PITPNA: variants seen among roughly 807,000 people sequenced by gnomAD.
PITPNA encodes phosphatidylinositol transfer protein alpha isoform.
In PITPNA, 13 loss-of-function variants were observed where a neutral mutation model predicts 50.3. The ratio of observed to expected loss-of-function variants is 0.26; its 90% CI spans 0.17 to 0.41. The LOEUF (loss-of-function observed/expected upper bound fraction) is 0.41, where lower values mean the gene tolerates loss of function less well. Among genes scored for constraint, PITPNA ranks in the 10% least tolerant of loss-of-function variants. The pLI is 1.00. For missense variants in PITPNA, 207 were observed against 333.4 expected (o/e 0.62, Z 2.95); for synonymous variants, 120 against 119.6 (o/e 1.00, Z -0.02).
At chr17:1,540,645 G>A (rs959356362) in intron 6 of PITPNA, among the ~76,000 whole-genome samples, 5 of 151,068 alleles carry the variant, frequency 3.3e-5, no homozygotes, top group African/African-American at 1.2e-4. Context: ...TTGGAGTACA[G>A]TGGCGTGATC....
At chr17:1,537,799 CTT>C (rs922407899) in intron 7 of PITPNA, among the ~76,000 whole-genome samples, 3 of 148,424 alleles carry the variant, frequency 2.0e-5, no homozygotes, top group South Asian at 2.2e-4. Context: ...ATCAAAATAA[CTT>C]TGTGTGTGTG....
rs564371271 is a variant in PITPNA, at chr17:1,531,321, A to G, written c.768+2778T>C. Among the ~76,000 whole-genome samples, 18 of 152,202 alleles carry G rather than the reference A, an allele frequency of 1.2e-4. No individual in the cohort carries two copies. In the South Asian group the frequency reaches 3.5e-3, roughly 30 times the overall value. On this transcript the variant is annotated intron_variant, in intron 10 of 11. Transcript: ENST00000313486. ...AAAAAAAGACTCGAAGTCCTGAGGT[A>G]GAGGTTCCCGCCCCCGAATGTAACT...
Position 1,534,186 on chromosome 17 carries a change from C to T in PITPNA, c.681G>A (p.Gln227=). 6.2e-7 allele frequency: 1 copy of T among 1,613,940 alleles called. No homozygotes were observed. Among genetic ancestry groups the T allele is most frequent in the South Asian group, 1.1e-5 (1 of 91,080 alleles). Residue 227 remains glutamine, a synonymous_variant, in exon 10 of 12, where the codon CAG becomes CAA. Transcript: ENST00000313486. ...ERRLFTNFHR[Q]LFCWLDKWVD... ...CCCACTTATCGAGCCAACAGAACAG[C>T]TGCCTGTGGAAGTTTGTAAACAGAC... is the stretch of plus-strand genomic sequence containing the variant.
rs777468138 is a variant in PITPNA, at chr17:1,548,307, T to C, written c.278A>G (p.Tyr93Cys). 3.1e-6 allele frequency: 5 copies of C among 1,605,944 alleles called. No individual in the cohort carries two copies. Among genetic ancestry groups the C allele is most frequent in the Non-Finnish European group, 4.3e-6 (5 of 1,176,090 alleles). ...CCGGCTGCACTCACCGGTTCTGCAGTAGGGGTAAGCATTCCAGGCTTTCTC... is the reference window on the plus strand; with the variant it reads ...CCGGCTGCACTCACCGGTTCTGCAGCAGGGGTAAGCATTCCAGGCTTTCTC... ...IHEKAWNAYP[Y>C]CRTVITNEYM... The change falls in exon 4 of 12, where the codon TAC becomes TGC. Residue 93 changes from tyrosine (Y) to cysteine (C), a missense_variant. By Grantham distance (194) the Tyr-to-Cys change is radical. Transcript: ENST00000313486.
Position 1,554,668 on chromosome 17 carries a change from G to A in PITPNA, c.52-1519C>T, listed in dbSNP as rs570955412. The stretch of plus-strand genomic sequence containing the variant: ...TGCTTCGCCTCAAACTTAGAAACCT[G>A]CTCTACCAGGCAGCTTCCTAAGCAC... On this transcript the variant is annotated intron_variant, in intron 2 of 11. Transcript: ENST00000313486. Among the ~76,000 whole-genome samples, 41 of 152,258 alleles carry A rather than the reference G, an allele frequency of 2.7e-4. No homozygotes were observed. In the South Asian group the frequency reaches 7.9e-3, roughly 29 times the overall value.
At chr17:1,526,600 C>T (rs1341346613) in intron 10 of PITPNA, among the ~76,000 whole-genome samples, 1 of 152,226 alleles carries the variant, frequency 6.6e-6, no homozygotes, top group African/African-American at 2.4e-5. Context: ...GCTCCTTACA[C>T]ATGCTGAGAG....
chr17:1,552,175 T>C (rs1273296520), intron 3 of PITPNA, among the ~76,000 whole-genome samples: 1 of 152,246 alleles, frequency 6.6e-6, no homozygotes, highest in Non-Finnish European at 1.5e-5. Flanking sequence ...TTCACAGCAG[T>C]GTGGATGGAC....
At chr17:1,532,524 C>T (rs968918413) in intron 10 of PITPNA, among the ~76,000 whole-genome samples, 1 of 152,236 alleles carries the variant, frequency 6.6e-6, no homozygotes, top group African/African-American at 2.4e-5. Context: ...TTGAGTTCTA[C>T]CCGAAGGAAT....
chr17:1,531,727 A>G (rs2075584779), intron 10 of PITPNA, among the ~76,000 whole-genome samples: 1 of 152,128 alleles, frequency 6.6e-6, no homozygotes, highest in African/African-American at 2.4e-5. Context: ...GAAGTAATTA[A>G]CAAAAGCAAC....
intron 1 of PITPNA, among the ~76,000 whole-genome samples, chr17:1,560,665 AG>A (rs1484177864): frequency 6.6e-6 from 1 of 152,242 alleles, no homozygotes; most frequent in Non-Finnish European, 1.5e-5. Flanking sequence ...ATTTGGGAAC[AG>A]GAAAAAGAAT....
Position 1,562,437 on chromosome 17 carries a change from G to T in PITPNA, c.20+104C>A. The T allele has an allele frequency of 1.0e-6, 1 of 954,428 alleles. No individual in the cohort carries two copies. The highest frequency in any genetic ancestry group is 1.5e-6 in the Non-Finnish European group (1 of 687,874). The allele number at this position is 954,428 out of a possible 1,614,324, so 59.1% of individuals were successfully genotyped here. ...GCCTCAGGCACCCTCCGTCCCTGCT[G>T]CCCCTCCGTCCATCCGGGCCCTGCG... On this transcript the variant is annotated intron_variant, in intron 1 of 11. Coordinates refer to ENST00000313486, the MANE Select transcript of PITPNA (RefSeq NM_006224.4). This position sits in a 1 kb window ranked among gnomAD's most constrained non-coding sequence, Gnocchi z 6.4.
At position 1,535,068 on chromosome 17, in the gene PITPNA, C is replaced by T. The variant is rs866571688; in HGVS notation, c.645+114G>A. The T allele has an allele frequency of 1.0e-4, 66 of 654,502 alleles. 2 individuals carry two copies. The highest frequency in any genetic ancestry group is 8.9e-4 in the South Asian group (50 of 56,128). The allele number at this position is 654,502 out of a possible 1,614,324, so 40.5% of individuals were successfully genotyped here. ...TCCACCACCCCCCACCGCACACACA[C>T]GCAGTCACTGGGAAGGCCTCAGCCG... On this transcript the variant is annotated intron_variant, in intron 9 of 11. Transcript: ENST00000313486.
intron 3 of PITPNA, among the ~76,000 whole-genome samples, chr17:1,551,076 C>T (rs911955922): frequency 1.3e-5 from 2 of 150,868 alleles, no homozygotes; most frequent in African/African-American, 2.4e-5. Flanking sequence ...GCGGAGTCAG[C>T]GGGACCTGAT....
At chr17:1,557,717 C>A (rs1278571175) in intron 2 of PITPNA, among the ~76,000 whole-genome samples, 2 of 152,170 alleles carry the variant, frequency 1.3e-5, no homozygotes, top group Admixed American at 6.5e-5. Context: ...ACCCAGGAAC[C>A]GTAAAAGGAC....
chr17:1,522,217 G>A (rs373117967), intron 10 of PITPNA, among the ~76,000 whole-genome samples: 10 of 150,434 alleles, frequency 6.6e-5, no homozygotes, highest in South Asian at 2.1e-4. Flanking sequence ...GACTACAGGC[G>A]CCCGCCACCG....
intron 1 of PITPNA, among the ~76,000 whole-genome samples, chr17:1,558,788 C>T (rs975598887): frequency 8.3e-6 from 1 of 120,288 alleles, no homozygotes; most frequent in African/African-American, 3.1e-5. Flanking sequence ...CCGCCCCCCC[C>T]CCCAGAGAAT....
At chr17:1,551,457 A>C (rs1213753470) in intron 3 of PITPNA, among the ~76,000 whole-genome samples, 2 of 151,572 alleles carry the variant, frequency 1.3e-5, no homozygotes, top group African/African-American at 4.9e-5. Flanking sequence ...ACACCAGCCT[A>C]ATTTTGTTTA....
At chr17:1,560,312 G>C (rs1375299412) in intron 1 of PITPNA, among the ~76,000 whole-genome samples, 1 of 152,168 alleles carries the variant, frequency 6.6e-6, no homozygotes, top group Non-Finnish European at 1.5e-5. Context: ...GGCCTGGAGC[G>C]GCACTCACTC....
At chr17:1,561,121 A>ACACACG (rs1012211344) in intron 1 of PITPNA, 3 of 150,266 alleles carry the variant, frequency 2.0e-5, no homozygotes, top group Non-Finnish European at 2.9e-5. Flanking sequence ...AATTCTGTGC[A>ACACACG]CACACGCACA....
Sources: allele counts gnomAD v4.1 joint callset (sites outside exome capture counted in the v4.1 genomes callset), GRCh38; gene constraint gnomAD v4.1.1; non-coding constraint Gnocchi (gnomAD v3.1); transcripts MANE v1.5; gene names NCBI Gene and HGNC (gene_info 2026-07-23, HGNC 2026-07-21).